Variants in POGLUT2 observed in about 807,000 individuals in gnomAD.
POGLUT2 encodes ER protein 58.
Under a neutral mutation model 57.6 loss-of-function variants are expected in POGLUT2, and 47 were observed. The observed-to-expected ratio is 0.82, with a 90% CI of 0.65 to 1.04. POGLUT2 has a LOEUF of 1.04. POGLUT2 is among the 50% of genes least tolerant of loss of function. The pLI is 0.00. For synonymous variants in POGLUT2, 200 were observed against 218.8 expected (o/e 0.91, Z 0.76); for missense variants, 565 against 614.8 (o/e 0.92, Z 0.86).
chr13:102,796,310 A>T (rs1220135651), intron 2 of POGLUT2, among the ~76,000 whole-genome samples: 23 of 116,098 alleles, frequency 2.0e-4, no homozygotes, highest in East Asian at 1.3e-3. Context: ...AAAAAAAAAA[A>T]AATAAATAAA....
At position 102,786,261 on chromosome 13, in the gene POGLUT2, G is replaced by A. The variant is rs1595305074; in HGVS notation, c.1462C>T (p.Leu488Phe). 1 of 1,613,514 alleles carries A rather than the reference G, an allele frequency of 6.2e-7. No homozygotes were observed. The highest frequency in any genetic ancestry group is 8.5e-7 in the Non-Finnish European group (1 of 1,179,410). The stretch of plus-strand genomic sequence containing the variant: ...TTCCTATGGCAAGTACAAGGGAAGA[G>A]GTCGTCCTCAGTCTGTGGTTCTACC... ...KRVEPQTEDD[L>F]FPCTCHRKKT... The change falls in exon 9 of 10, where the codon CTC (leucine) becomes TTC (phenylalanine). Residue 488 changes from leucine (L) to phenylalanine (F), a missense_variant. Physicochemically the swap from Leu to Phe is conservative, Grantham distance 22 (BLOSUM62 0). Coordinates refer to ENST00000376004, the MANE Select transcript of POGLUT2 (RefSeq NM_024089.3).
intron 4 of POGLUT2, among the ~76,000 whole-genome samples, chr13:102,791,726 A>T (rs927059338): frequency 5.3e-5 from 8 of 152,218 alleles, no homozygotes; most frequent in Non-Finnish European, 5.9e-5. Context: ...TTTAAAAAAT[A>T]GCACTTGGGA....
intron 2 of POGLUT2, among the ~76,000 whole-genome samples, chr13:102,795,122 C>T (rs893578161): frequency 2.0e-5 from 3 of 151,416 alleles, no homozygotes; most frequent in African/African-American, 7.3e-5. Flanking sequence ...TGTTGTGGCG[C>T]GTCCCTGTAG....
At chr13:102,793,236 C>A in intron 4 of POGLUT2, 105 bp downstream of exon 4, 1 of 673,278 alleles carries the variant, frequency 1.5e-6, no homozygotes, top group South Asian at 1.9e-5. Context: ...TCATAAGGCT[C>A]CAGAAGAGAA....
chr13:102,794,519 G>A (rs1234248914), intron 2 of POGLUT2, among the ~76,000 whole-genome samples: 1 of 152,108 alleles, frequency 6.6e-6, no homozygotes, highest in Admixed American at 6.5e-5. Flanking sequence ...AAAAAGTTTA[G>A]CTGGGTATGG....
At chr13:102,791,931 G>T in intron 4 of POGLUT2, 2 of 1,148,690 alleles carry the variant, frequency 1.7e-6, no homozygotes, top group Non-Finnish European at 2.3e-6. Flanking sequence ...TCTAGTCACA[G>T]AAAATGTTTA....
intron 4 of POGLUT2, among the ~76,000 whole-genome samples, chr13:102,791,701 A>G (rs560193393): frequency 5.3e-5 from 8 of 152,320 alleles, no homozygotes; most frequent in Non-Finnish European, 8.8e-5. Flanking sequence ...GAGAAGGAGA[A>G]TTATTGGAAA....
At chr13:102,798,388 A>C (rs917931347) in intron 1 of POGLUT2, 101 bp downstream of exon 1, 28 of 1,101,892 alleles carry the variant, frequency 2.5e-5, no homozygotes, top group Non-Finnish European at 3.6e-5. Context: ...CCTGGAATAT[A>C]AACTGCTGTG....
chr13:102,793,045 G>A (rs1878241707), intron 4 of POGLUT2: 1 of 282,150 alleles, frequency 3.5e-6, no homozygotes, highest in South Asian at 6.3e-5. Flanking sequence ...TAAAGTGCTA[G>A]GATTACAGGC....
intron 2 of POGLUT2, among the ~76,000 whole-genome samples, chr13:102,795,282 G>C (rs1445347171): frequency 1.4e-5 from 2 of 146,392 alleles, no homozygotes; most frequent in Non-Finnish European, 3.0e-5. Flanking sequence ...AGCAAAAGTA[G>C]CTGGGTACAG....
In POGLUT2 at chr13:102,786,468, G is replaced by A. The variant is rs569753881; in HGVS notation, c.1384-129C>T. On this transcript the variant is annotated intron_variant, in intron 8 of 9. Transcript: ENST00000376004. Reference sequence around the variant, plus strand: ...TGTCAAACTGTGATCTGCATAGTCCGTCATATATACCAGTTCTGAACATCA... The same window carrying A: ...TGTCAAACTGTGATCTGCATAGTCCATCATATATACCAGTTCTGAACATCA... The A allele has an allele frequency of 7.5e-5, 50 of 670,732 alleles. 1 individual carries two copies. The highest frequency in any genetic ancestry group is 3.0e-4 in the African/African-American group (17 of 56,648). 41.5% of individuals were successfully genotyped at this position (670,732 alleles called of 1,614,324 possible). A position where few individuals can be genotyped will look rare whatever the true frequency, so the allele number is the denominator to read the frequency against.
chr13:102,794,350 T>C (rs936527761), intron 2 of POGLUT2, among the ~76,000 whole-genome samples: 2 of 152,032 alleles, frequency 1.3e-5, no homozygotes, highest in African/African-American at 4.8e-5. Context: ...TAAGGTCTAC[T>C]TTGCATGAGT....
At chr13:102,787,675 T>A (rs1239788291) in intron 8 of POGLUT2, among the ~76,000 whole-genome samples, 159 bp downstream of exon 8, 1 of 152,230 alleles carries the variant, frequency 6.6e-6, no homozygotes, top group African/African-American at 2.4e-5. Context: ...TTTCAACTAT[T>A]TTTTTATGAT....
intron 9 of POGLUT2, among the ~76,000 whole-genome samples, chr13:102,784,894 A>G (rs1470087735): frequency 6.6e-6 from 1 of 152,226 alleles, no homozygotes; most frequent in Non-Finnish European, 1.5e-5. Context: ...ATGAAGATAA[A>G]TAACTGAGCA....
In POGLUT2 at chr13:102,797,028, G is replaced by C. The variant is rs1178895833; in HGVS notation, c.183-19C>G. 1 of 1,570,508 alleles carries C rather than the reference G, an allele frequency of 6.4e-7. No homozygotes were observed. On this transcript the variant is annotated intron_variant, in intron 1 of 9. Coordinates refer to ENST00000376004, the MANE Select transcript of POGLUT2 (RefSeq NM_024089.3). ...TGTGAATCTGTGATGAAAAGGCAATGGGGGAGATAAACAGATTTTAACGAA... is the reference window on the plus strand; with the variant it reads ...TGTGAATCTGTGATGAAAAGGCAATCGGGGAGATAAACAGATTTTAACGAA...
intron 9 of POGLUT2, among the ~76,000 whole-genome samples, chr13:102,785,450 TTACACACACA>T (rs1473392027): frequency 1.6e-5 from 1 of 61,634 alleles, no homozygotes; most frequent in Non-Finnish European, 3.5e-5. Flanking sequence ...TCAGCATATG[TTACACACACA>T]CACACACACA....
In POGLUT2 at chr13:102,786,770, A is replaced by T. The variant is rs188057367; in HGVS notation, c.1384-431T>A. On this transcript the variant is annotated intron_variant, in intron 8 of 9. Coordinates refer to ENST00000376004, the MANE Select transcript of POGLUT2 (RefSeq NM_024089.3). ...GCACTGTGCTAAGTACCTATGCTAA[A>T]TGAATGAACACTGCCCCATGGATCC... Among the ~76,000 whole-genome samples the T allele has an allele frequency of 7.3e-4, 111 of 152,294 alleles. No homozygotes were observed. The Middle Eastern group carries it at 0.02, about 28-fold the overall frequency.
intron 7 of POGLUT2, among the ~76,000 whole-genome samples, chr13:102,788,140 C>T (rs528891829): frequency 5.2e-4 from 79 of 152,292 alleles, no homozygotes; most frequent in South Asian, 1.7e-3. Context: ...TCATATTGGA[C>T]CTTCTAGAAC....
rs778514088 is a variant in POGLUT2, at chr13:102,798,545, G to A, written c.126C>T (p.Asp42=). The change falls in exon 1 of 10, where the codon GAC becomes GAT. Residue 42 remains aspartate (D), a synonymous_variant. Coordinates refer to ENST00000376004, the MANE Select transcript of POGLUT2 (RefSeq NM_024089.3). ...AGAAATAGCGGGCGGGAAGGACGACGTCTGCTTTTAGCCCGGGTCCCCATA... is the reference window on the plus strand; with the variant it reads ...AGAAATAGCGGGCGGGAAGGACGACATCTGCTTTTAGCCCGGGTCCCCATA... ...SEIWGPGLKA[D]VVLPARYFYI... 1.9e-6 allele frequency: 3 copies of A among 1,612,714 alleles called. No individual in the cohort carries two copies. The highest frequency in any genetic ancestry group is 1.7e-6 in the Non-Finnish European group (2 of 1,179,374).
Sources: allele counts gnomAD v4.1 joint callset (sites outside exome capture counted in the v4.1 genomes callset), GRCh38; gene constraint gnomAD v4.1.1; transcripts MANE v1.5; gene names NCBI Gene and HGNC (gene_info 2026-07-23, HGNC 2026-07-21).